The following ATP4A variants were observed in gnomAD, a reference collection of about 807,000 sequenced individuals.
ATP4A encodes potassium-transporting ATPase alpha chain 1.
Under a neutral mutation model 112.1 loss-of-function variants are expected in ATP4A, and 73 were observed. The ratio of observed to expected loss-of-function variants is 0.65; its 90% CI spans 0.54 to 0.79. The LOEUF (loss-of-function observed/expected upper bound fraction) is 0.79. Ranked by LOEUF, ATP4A falls within the 30% of genes least tolerant of loss-of-function variation. ATP4A has a pLI of 0.00. For missense variants in ATP4A, 1,081 were observed against 1,425.9 expected (o/e 0.76, Z 3.90); for synonymous variants, 588 against 588.9 (o/e 1.00, Z 0.02).
rs2071596676 is a variant in ATP4A at position 35,550,750 on chromosome 19, G to T, written c.3079+84C>A. 2.5e-6 allele frequency: 4 copies of T among 1,608,078 alleles called. No homozygotes were observed. The highest frequency in any genetic ancestry group is 3.4e-6 in the Non-Finnish European group (4 of 1,174,824). On this transcript the variant is annotated intron_variant, in intron 21 of 21. Transcript: ENST00000262623. This position sits in a 1 kb window ranked among gnomAD's most constrained non-coding sequence, Gnocchi z 4.1. ...TGCTATGGAGGGTCAAGGGCTTAGA[G>T]GCCAAGTGTTGAGGATCAAAGGTGG... is the stretch of plus-strand genomic sequence containing the variant.
Position 35,560,776 on chromosome 19 carries a change from G to T in ATP4A, c.534+43C>A. On this transcript the variant is annotated intron_variant, in intron 5 of 21. Transcript: ENST00000262623. This position sits in a 1 kb window ranked among gnomAD's most constrained non-coding sequence, Gnocchi z 5.1. ...TGGAAGGAGGCTACAGGAGCAGTTTGGAGTCTCTGGGATCTGGAGTGGCTG... is the reference window on the plus strand; with the variant it reads ...TGGAAGGAGGCTACAGGAGCAGTTTTGAGTCTCTGGGATCTGGAGTGGCTG... 6.2e-7 allele frequency: 1 copy of T among 1,600,052 alleles called. No homozygotes were observed. The highest frequency in any genetic ancestry group is 8.6e-7 in the Non-Finnish European group (1 of 1,167,300).
Position 35,555,368 on chromosome 19 carries a change from G to C in ATP4A, c.2158-34C>G, listed in dbSNP as rs1228200720. ...AGTGGGTGCAGGTGGTGGGTGGGTG[G>C]TCAGTGAGAGGCCGGTCCAAGACCA... On this transcript the variant is annotated intron_variant, in intron 14 of 21. Coordinates refer to ENST00000262623, the MANE Select transcript of ATP4A (RefSeq NM_000704.3). This position sits in a 1 kb window ranked among gnomAD's most constrained non-coding sequence, Gnocchi z 6.6. 1.2e-6 allele frequency: 2 copies of C among 1,602,474 alleles called. No homozygotes were observed. Among genetic ancestry groups the C allele is most frequent in the Non-Finnish European group, 1.7e-6 (2 of 1,172,940 alleles).
chr19:35,553,889 T>TAAA (rs2071615893), intron 16 of ATP4A, 60 bp from the exon 17 acceptor site: 1 of 1,525,378 alleles, frequency 6.6e-7, no homozygotes, highest in Admixed American at 2.0e-5. Flanking sequence ...TCCCCTCCAC[T>TAAA]TCGGGTCCCC....
chr19:35,562,427 T>C lies in ATP4A; in HGVS notation c.420+8A>G. ...ATGTCCTGAGCCTGTCCCCACAACA[T>C]GGCTCACATTGTCGTCGGTGGTGAG... is the stretch of plus-strand genomic sequence containing the variant. On this transcript the variant is annotated splice_region_variant and intron_variant, in intron 4 of 21. Transcript: ENST00000262623. The C allele has an allele frequency of 3.7e-6, 6 of 1,612,638 alleles. No homozygotes were observed. The highest frequency in any genetic ancestry group is 5.1e-6 in the Non-Finnish European group (6 of 1,179,226).
In ATP4A at chr19:35,559,953, A is replaced by C; in HGVS notation, c.908T>G (p.Val303Gly). ...AATGGCCAGGCCCGCGATGATGTCC[A>C]CAAAATGCTCGATCTCGATAGCGAT... ...TPIAIEIEHF[V>G]DIIAGLAILF... is the part of the protein sequence containing the mutation. The change falls in exon 7 of 22, where the codon GTG becomes GGG. Residue 303 changes from valine (V) to glycine (G), a missense_variant. Val to Gly is a moderately radical substitution (Grantham distance 109). This residue lies in a region of ATP4A where 850 missense variants were observed against 1,068.2 expected (regional missense o/e 0.80). Transcript: ENST00000262623. The surrounding 1 kb of genome is among the most constrained non-coding windows in gnomAD (Gnocchi z 4.1). The C allele has an allele frequency of 6.2e-7, 1 of 1,614,248 alleles. No homozygotes were observed. Among genetic ancestry groups the C allele is most frequent in the Non-Finnish European group, 8.5e-7 (1 of 1,180,044 alleles).
At chr19:35,552,898 G>T in intron 18 of ATP4A, 139 bp downstream of exon 18, 1 of 1,132,742 alleles carries the variant, frequency 8.8e-7, no homozygotes, top group Non-Finnish European at 1.2e-6. Flanking sequence ...TTGCCCCCCC[G>T]AACTGGCAGG....
chr19:35,551,331 TCA>T lies in ATP4A; in HGVS notation c.2885+114_2885+115del. The T allele has an allele frequency of 6.6e-7, 1 of 1,524,312 alleles. No individual in the cohort carries two copies. The highest frequency in any genetic ancestry group is 1.8e-5 in the Admixed American group (1 of 54,882). 94.4% of individuals were successfully genotyped at this position (1,524,312 alleles called of 1,614,324 possible). ...CAGTTAGAAAGGTTTTTTTGGCATG[TCA>T]CCATCTGGCACTGGCACCCGCTGGC... is the stretch of plus-strand genomic sequence containing the variant. On this transcript the variant is annotated intron_variant, in intron 19 of 21. Coordinates refer to ENST00000262623, the MANE Select transcript of ATP4A (RefSeq NM_000704.3). This position sits in a 1 kb window ranked among gnomAD's most constrained non-coding sequence, Gnocchi z 5.2.
chr19:35,557,585 G>C lies in ATP4A; in HGVS notation c.1693+70C>G. 2 of 1,495,044 alleles carry C rather than the reference G, an allele frequency of 1.3e-6. No individual in the cohort carries two copies. Among genetic ancestry groups the C allele is most frequent in the Non-Finnish European group, 1.8e-6 (2 of 1,110,324 alleles). 92.6% of individuals were successfully genotyped at this position (1,495,044 alleles called of 1,614,324 possible). Reference sequence around the variant, plus strand: ...ATGAGGACGGTCAGGGCTGGGCCGGGAGTGGTGGGCAGGGTCTGTGCTAGC... The same window carrying C: ...ATGAGGACGGTCAGGGCTGGGCCGGCAGTGGTGGGCAGGGTCTGTGCTAGC... On this transcript the variant is annotated intron_variant, in intron 11 of 21. Coordinates refer to ENST00000262623, the MANE Select transcript of ATP4A (RefSeq NM_000704.3). The surrounding 1 kb of genome is among the most constrained non-coding windows in gnomAD (Gnocchi z 4.4).
At chr19:35,552,230 G>A (rs1189720168) in intron 18 of ATP4A, among the ~76,000 whole-genome samples, 1 of 152,122 alleles carries the variant, frequency 6.6e-6, no homozygotes, top group South Asian at 2.1e-4. Context: ...CCTAATACCA[G>A]CTAACTGTGG....
In ATP4A at chr19:35,559,053, C is replaced by G; in HGVS notation, c.1195G>C (p.Val399Leu). Residue 399 changes from valine (V) to leucine (L), a missense_variant, in exon 8 of 22, where the codon GTG becomes CTG. Physicochemically the swap from Val to Leu is conservative, Grantham distance 32 (BLOSUM62 1). Transcript: ENST00000262623. This position sits in a 1 kb window ranked among gnomAD's most constrained non-coding sequence, Gnocchi z 4.1. ...TGGTTGTCAAACCACAGATGGGACA[C>G]AGTCATGCGGTTCTGAGTGAGAGTC... is the stretch of plus-strand genomic sequence containing the variant. ...TGTLTQNRMT[V>L]SHLWFDNHIH... 1 of 1,614,228 alleles carries G rather than the reference C, an allele frequency of 6.2e-7. No homozygotes were observed. The highest frequency in any genetic ancestry group is 8.5e-7 in the Non-Finnish European group (1 of 1,180,042).
Position 35,555,209 on chromosome 19 carries a change from C to T in ATP4A, c.2283G>A (p.Leu761=), listed in dbSNP as rs778185949. Residue 761 remains leucine (L), a synonymous_variant, in exon 15 of 22, where the codon CTG becomes CTA. Coordinates refer to ENST00000262623, the MANE Select transcript of ATP4A (RefSeq NM_000704.3). The surrounding 1 kb of genome is among the most constrained non-coding windows in gnomAD (Gnocchi z 6.6). ...DAAKNAADMI[L]LDDNFASIVT... Reference sequence around the variant, plus strand: ...CAATGGAGGCAAAGTTGTCATCCAGCAGGATCATGTCAGCTGCATTTTTGG... The same window carrying T: ...CAATGGAGGCAAAGTTGTCATCCAGTAGGATCATGTCAGCTGCATTTTTGG... 1 of 1,614,176 alleles carries T rather than the reference C, an allele frequency of 6.2e-7. No individual in the cohort carries two copies. Among genetic ancestry groups the T allele is most frequent in the Admixed American group, 1.7e-5 (1 of 59,996 alleles).
rs1161944004 is a variant in ATP4A at position 35,551,559 on chromosome 19, G to A, written c.2773C>T (p.Gln925Ter). 1.2e-6 allele frequency: 2 copies of A among 1,613,300 alleles called. No individual in the cohort carries two copies. The highest frequency in any genetic ancestry group is 1.7e-6 in the Non-Finnish European group (2 of 1,179,696). The change falls in exon 19 of 22, where the codon CAG becomes TAG. Residue 925 changes from glutamine to a stop codon, truncating the protein, a stop_gained. Transcript: ENST00000262623. LOFTEE classifies it high-confidence loss of function. The surrounding 1 kb of genome is among the most constrained non-coding windows in gnomAD (Gnocchi z 5.2). Reference sequence around the variant, plus strand: ...AACACGGTGTAGCAGGTGTACTGCTGGTACAGGCGCTGCCCGAATGTCTGC... The same window carrying A: ...AACACGGTGTAGCAGGTGTACTGCTAGTACAGGCGCTGCCCGAATGTCTGC... ...QEWTFGQRLYQQYTCYTVFFI... is the reference protein window; with the variant it reads ...QEWTFGQRLY
At position 35,560,808 on chromosome 19, in the gene ATP4A, G is replaced by A. The variant is rs1482251367; in HGVS notation, c.534+11C>T. The A allele has an allele frequency of 7.4e-6, 12 of 1,612,670 alleles. No individual in the cohort carries two copies. Among genetic ancestry groups the A allele is most frequent in the Non-Finnish European group, 1.0e-5 (12 of 1,178,818 alleles). ...CTGGGATCTGGAGTGGCTGGGTGCT[G>A]GGGAACCCACCTGTGGCACAAGGTT... On this transcript the variant is annotated intron_variant, in intron 5 of 21. Transcript: ENST00000262623. The surrounding 1 kb of genome is among the most constrained non-coding windows in gnomAD (Gnocchi z 5.1).
chr19:35,560,418 G>A lies in ATP4A; in HGVS notation c.732C>T (p.His244=), dbSNP rs148588835. ...TGTTGCGGGTCTCCAGAGGGCTCTC[G>A]TGCGTGCACTCGGGTGAGCGGGTCT... is the stretch of plus-strand genomic sequence containing the variant. ...EPQTRSPECT[H]ESPLETRNIA... The change falls in exon 6 of 22, where the codon CAC becomes CAT. Residue 244 remains histidine (H), a synonymous_variant. Transcript: ENST00000262623. This position sits in a 1 kb window ranked among gnomAD's most constrained non-coding sequence, Gnocchi z 5.1. 2.6e-4 allele frequency: 420 copies of A among 1,614,014 alleles called. 3 individuals carry two copies. The South Asian group carries it at 3.8e-3, about 15-fold the overall frequency.
chr19:35,562,704 G>C, intron 3 of ATP4A, 66 bp from the exon 4 acceptor site: 2 of 1,466,310 alleles, frequency 1.4e-6, no homozygotes, highest in South Asian at 2.6e-5. Context: ...CCCGTGGAAA[G>C]CCCCCTGCTT....
Position 35,560,310 on chromosome 19 carries a change from A to G in ATP4A, c.787+53T>C. Reference sequence around the variant, plus strand: ...CCCCTGTCCTAGAAGATAGCAGGAGAGAGGCCAGTGGAGGCAGCAGTTACT... The same window carrying G: ...CCCCTGTCCTAGAAGATAGCAGGAGGGAGGCCAGTGGAGGCAGCAGTTACT... On this transcript the variant is annotated intron_variant, in intron 6 of 21. Coordinates refer to ENST00000262623, the MANE Select transcript of ATP4A (RefSeq NM_000704.3). The surrounding 1 kb of genome is among the most constrained non-coding windows in gnomAD (Gnocchi z 5.1). The G allele has an allele frequency of 6.2e-7, 1 of 1,605,250 alleles. No homozygotes were observed. The highest frequency in any genetic ancestry group is 8.5e-7 in the Non-Finnish European group (1 of 1,175,088).
rs373071179 is a variant in ATP4A, at chr19:35,560,018, G to T, written c.843C>A (p.Ile281=). ...NTGDRTIIGR[I]ASLASGVENE... ...TTTCCACCCCCGACGCCAGCGATGC[G>T]ATGCGCCCAATGATGGTGCGGTCGC... Residue 281 remains isoleucine (I), a synonymous_variant, in exon 7 of 22, where the codon ATC becomes ATA. Coordinates refer to ENST00000262623, the MANE Select transcript of ATP4A (RefSeq NM_000704.3). This position sits in a 1 kb window ranked among gnomAD's most constrained non-coding sequence, Gnocchi z 5.1. 6.2e-7 allele frequency: 1 copy of T among 1,614,242 alleles called. No homozygotes were observed.
Position 35,559,395 on chromosome 19 carries a change from A to T in ATP4A, c.1057-204T>A, listed in dbSNP as rs1344942743. On this transcript the variant is annotated intron_variant, in intron 7 of 21. Coordinates refer to ENST00000262623, the MANE Select transcript of ATP4A (RefSeq NM_000704.3). This position sits in a 1 kb window ranked among gnomAD's most constrained non-coding sequence, Gnocchi z 4.1. ...CTCCTTCCCCAGTCTGCCCAGATACAGTAGCGAGGCCCCTCTCTGAGCTGT... is the reference window on the plus strand; with the variant it reads ...CTCCTTCCCCAGTCTGCCCAGATACTGTAGCGAGGCCCCTCTCTGAGCTGT... 6.6e-6 allele frequency among the ~76,000 whole-genome samples: 1 copy of T among 152,264 alleles called. No individual in the cohort carries two copies. The highest frequency in any genetic ancestry group is 2.4e-5 in the African/African-American group (1 of 41,472).
chr19:35,553,345 GAC>G (rs1437579596), intron 17 of ATP4A, among the ~76,000 whole-genome samples, 163 bp from the exon 18 acceptor site: 2 of 152,012 alleles, frequency 1.3e-5, no homozygotes, highest in African/African-American at 4.8e-5. Context: ...CAAGGTCAAG[GAC>G]ACACAGAGCC....
Sources: gnomAD v4.1 joint callset for allele counts (sites outside exome capture counted in the v4.1 genomes callset) on GRCh38, gnomAD v4.1.1 for gene constraint, gnomAD v4.1.1 regional missense constraint, Gnocchi (gnomAD v3.1) non-coding constraint, MANE v1.5 for transcripts, NCBI Gene and HGNC (gene_info 2026-07-23, HGNC 2026-07-21) for gene names.